The following HMCN1 variants were observed in gnomAD, a reference collection of about 807,000 sequenced individuals.
HMCN1 encodes the protein hemicentin 1, also known as hemicentin-1.
Under a neutral mutation model 625.9 loss-of-function variants are expected in HMCN1, and 321 were observed. That is an observed-to-expected ratio of 0.51 (90% CI 0.47 to 0.56). The LOEUF (loss-of-function observed/expected upper bound fraction) is 0.56. Ranked by LOEUF, HMCN1 falls within the 20% of genes least tolerant of loss-of-function variation. HMCN1 has a pLI of 0.00. For synonymous variants in HMCN1, 2,425 were observed against 2,417.6 expected (o/e 1.00, Z -0.09); for missense variants, 6,588 against 6,887.3 (o/e 0.96, Z 1.54).
chr1:186,078,941 AGAGAT>A (rs1384886417), intron 55 of HMCN1, among the ~76,000 whole-genome samples: 3 of 152,232 alleles, frequency 2.0e-5, no homozygotes, highest in Non-Finnish European at 4.4e-5. Context: ...TACAAGGAAA[AGAGAT>A]GAGATGACAA....
In HMCN1 at chr1:186,090,810, A is replaced by T. The variant is rs907044090; in HGVS notation, c.9780A>T (p.Leu3260=). 2 of 1,612,566 alleles carry T rather than the reference A, an allele frequency of 1.2e-6. No individual in the cohort carries two copies. Among genetic ancestry groups the T allele is most frequent in the African/African-American group, 2.7e-5 (2 of 74,840 alleles). The part of the protein sequence containing the change: ...AEIPSDVSVL[L]GENVELVCNA... ...TTCCAAGTGATGTCAGTGTCCTTCT[A>T]GGAGAAAATGTTGAGCTGGTCTGCA... Residue 3260 remains leucine, a synonymous_variant, in exon 64 of 107, where the codon CTA becomes CTT. Transcript: ENST00000271588.
chr1:186,081,288 G>A lies in HMCN1; in HGVS notation c.8681G>A (p.Cys2894Tyr), dbSNP rs750532975. The A allele has an allele frequency of 5.6e-6, 9 of 1,613,140 alleles. No individual in the cohort carries two copies. Among genetic ancestry groups the A allele is most frequent in the Non-Finnish European group, 7.6e-6 (9 of 1,179,188 alleles). ...GTGAACAAGAGTGCACTGATAGAGT[G>A]TTTATCCAGTGGCAGCCCAGCACCA... ...VLVNKSALIE[C>Y]LSSGSPAPRN... The change falls in exon 56 of 107, where the codon TGT becomes TAT. Residue 2894 changes from cysteine (C) to tyrosine (Y), a missense_variant. Coordinates refer to ENST00000271588, the MANE Select transcript of HMCN1 (RefSeq NM_031935.3).
intron 16 of HMCN1, among the ~76,000 whole-genome samples, chr1:185,979,830 T>C (rs1483930290): frequency 6.6e-6 from 1 of 152,144 alleles, no homozygotes; most frequent in Non-Finnish European, 1.5e-5. Context: ...TCAAATCTTA[T>C]CAATAGATTA....
intron 1 of HMCN1, among the ~76,000 whole-genome samples, chr1:185,803,195 A>C (rs1014125937): frequency 6.9e-6 from 1 of 144,328 alleles, no homozygotes; most frequent in Non-Finnish European, 1.5e-5. Flanking sequence ...AACCAAAAAA[A>C]AAAAAAAAGC....
At chr1:186,174,705 T>A in intron 103 of HMCN1, 63 bp downstream of exon 103, 1 of 1,492,274 alleles carries the variant, frequency 6.7e-7, no homozygotes, top group Non-Finnish European at 9.3e-7. Context: ...CCTTACCAAC[T>A]CGCTTAGGGC....
intron 11 of HMCN1, among the ~76,000 whole-genome samples, chr1:185,935,047 A>G (rs1667741733): frequency 6.6e-6 from 1 of 152,138 alleles, no homozygotes; most frequent in Non-Finnish European, 1.5e-5. Context: ...AGATAATATG[A>G]GTCGATCCAA....
At chr1:185,918,923 G>A (rs929506861) in intron 6 of HMCN1, among the ~76,000 whole-genome samples, 4 of 152,026 alleles carry the variant, frequency 2.6e-5, no homozygotes, top group Non-Finnish European at 5.9e-5. Flanking sequence ...TAACTCTGCA[G>A]GAGTAATACT....
At chr1:185,871,719 T>C (rs557545803) in intron 4 of HMCN1, among the ~76,000 whole-genome samples, 2 of 152,136 alleles carry the variant, frequency 1.3e-5, no homozygotes, top group South Asian at 4.1e-4. Flanking sequence ...TTATTTCTCT[T>C]GCTAGTTTTT....
At chr1:185,785,603 T>A (rs1001670489) in intron 1 of HMCN1, among the ~76,000 whole-genome samples, 1 of 152,210 alleles carries the variant, frequency 6.6e-6, no homozygotes, top group African/African-American at 2.4e-5. Flanking sequence ...CCATGTTTTA[T>A]ATATATTTCT....
chr1:185,969,265 T>C (rs531617208), intron 14 of HMCN1, among the ~76,000 whole-genome samples: 1 of 152,204 alleles, frequency 6.6e-6, no homozygotes, highest in Non-Finnish European at 1.5e-5. Flanking sequence ...TCACGTGGTA[T>C]GTAGTAGCGA....
In HMCN1 at chr1:186,045,854, T is replaced by G. The variant is rs767307396; in HGVS notation, c.6471T>G (p.Ser2157Arg). ...KPGLSISENR[S>R]VLKIEDAQVQ... is the part of the protein sequence containing the mutation. ...GCCTCAGTATATCTGAAAATAGAAGTGTGTTAAAGGTAAGGATATGGATTC... is the reference window on the plus strand; with the variant it reads ...GCCTCAGTATATCTGAAAATAGAAGGGTGTTAAAGGTAAGGATATGGATTC... Residue 2157 changes from serine to arginine, a missense_variant, in exon 41 of 107, where the codon AGT (serine) becomes AGG (arginine). Around this residue, in one of 3 missense-constraint regions of HMCN1, gnomAD observed 4,628 missense variants for 4,853.1 expected, o/e 0.95. Transcript: ENST00000271588. 13 of 1,609,676 alleles carry G rather than the reference T, an allele frequency of 8.1e-6. No homozygotes were observed. The highest frequency in any genetic ancestry group is 1.7e-5 in the Admixed American group (1 of 59,934).
chr1:186,094,289 C>A lies in HMCN1; in HGVS notation c.10210C>A (p.Gln3404Lys). 1 of 1,612,810 alleles carries A rather than the reference C, an allele frequency of 6.2e-7. No individual in the cohort carries two copies. Among genetic ancestry groups the A allele is most frequent in the Middle Eastern group, 1.7e-4 (1 of 6,058 alleles). Residue 3404 changes from glutamine (Q) to lysine (K), a missense_variant, in exon 67 of 107, where the codon CAG (glutamine) becomes AAG (lysine). Coordinates refer to ENST00000271588, the MANE Select transcript of HMCN1 (RefSeq NM_031935.3). The part of the protein sequence containing the change: ...AGQVIRIVRA[Q>K]VSDVAVYTCV... ...ATTGTTTCTCAGGATTGTGAGAGCT[C>A]AGGTGTCTGATGTCGCTGTGTATAC...
At chr1:185,922,204 G>A (rs968772195) in intron 6 of HMCN1, among the ~76,000 whole-genome samples, 175 bp from the exon 7 acceptor site, 1 of 151,946 alleles carries the variant, frequency 6.6e-6, no homozygotes, top group Non-Finnish European at 1.5e-5. Flanking sequence ...TATGTATTAC[G>A]AAACTTGCAT....
intron 1 of HMCN1, among the ~76,000 whole-genome samples, chr1:185,784,724 ACTT>A: frequency 6.6e-6 from 1 of 152,172 alleles, no homozygotes; most frequent in East Asian, 1.9e-4. Flanking sequence ...CTCTCAGTCT[ACTT>A]CTTGTCTTTA....
chr1:186,091,269 C>T (rs965019973), intron 64 of HMCN1, among the ~76,000 whole-genome samples: 11 of 151,950 alleles, frequency 7.2e-5, no homozygotes, highest in Non-Finnish European at 8.8e-5. Flanking sequence ...TTAGTTCTTT[C>T]CTGCAAATGC....
intron 11 of HMCN1, among the ~76,000 whole-genome samples, chr1:185,951,086 A>G: frequency 6.6e-6 from 1 of 150,934 alleles, no homozygotes; most frequent in Admixed American, 6.6e-5. Flanking sequence ...ATGAGATGGT[A>G]AGGGGTGCAT....
chr1:186,151,789 A>G (rs777554647), intron 95 of HMCN1, 46 bp downstream of exon 95: 4 of 1,586,710 alleles, frequency 2.5e-6, no homozygotes, highest in African/African-American at 2.7e-5. Context: ...AAAAAGTGCC[A>G]TGAAGATAGG....
chr1:185,984,328 C>T lies in HMCN1; in HGVS notation c.2935+15C>T. 6.2e-7 allele frequency: 1 copy of T among 1,613,216 alleles called. No individual in the cohort carries two copies. Among genetic ancestry groups the T allele is most frequent in the Non-Finnish European group, 8.5e-7 (1 of 1,179,310 alleles). On this transcript the variant is annotated intron_variant, in intron 19 of 106. Coordinates refer to ENST00000271588, the MANE Select transcript of HMCN1 (RefSeq NM_031935.3). The stretch of plus-strand genomic sequence containing the variant: ...GGTTGTGCATGGTAAGAGACACACC[C>T]AATGTTATTGTTTCGAAACTGTGTT...
At chr1:185,782,745 G>T (rs1158332746) in intron 1 of HMCN1, among the ~76,000 whole-genome samples, 1 of 152,178 alleles carries the variant, frequency 6.6e-6, no homozygotes, top group Non-Finnish European at 1.5e-5. Context: ...CCCTTTGTGG[G>T]TAATCCCACC....
Sources: gnomAD v4.1 joint callset for allele counts (sites outside exome capture counted in the v4.1 genomes callset) on GRCh38, gnomAD v4.1.1 for gene constraint, gnomAD v4.1.1 regional missense constraint, MANE v1.5 for transcripts, NCBI Gene and HGNC (gene_info 2026-07-23, HGNC 2026-07-21) for gene names.